CNTNAP4: variants seen among roughly 807,000 people sequenced by gnomAD.
CNTNAP4 encodes contactin associated protein family member 4.
Under a neutral mutation model 148.4 loss-of-function variants are expected in CNTNAP4, and 98 were observed. The ratio of observed to expected loss-of-function variants is 0.66; its 90% CI spans 0.56 to 0.78. CNTNAP4 has a LOEUF of 0.78. Among genes scored for constraint, CNTNAP4 ranks in the 30% least tolerant of loss-of-function variants. CNTNAP4 has a pLI of 0.00. For synonymous variants in CNTNAP4, 730 were observed against 565.1 expected, an observed-to-expected ratio of 1.29 and a Z score of -4.14; for missense variants, 1,935 against 1,565.6, an observed-to-expected ratio of 1.24 and a Z score of -3.98.
chr16:76,353,871 TGC>T (rs1453961253), intron 2 of CNTNAP4, among the ~76,000 whole-genome samples: 2 of 152,208 alleles, frequency 1.3e-5, no homozygotes, highest in Non-Finnish European at 2.9e-5. Flanking sequence ...CACTGGTGTG[TGC>T]CTTCAGGTCC....
At chr16:76,278,289 T>C (rs1328945373) in intron 1 of CNTNAP4, among the ~76,000 whole-genome samples, 1 of 152,180 alleles carries the variant, frequency 6.6e-6, no homozygotes, top group African/African-American at 2.4e-5. Context: ...AGTCTCAGTA[T>C]TAAGAGCTGT....
chr16:76,292,339 A>G (rs1959148470), intron 1 of CNTNAP4, among the ~76,000 whole-genome samples: 1 of 152,178 alleles, frequency 6.6e-6, no homozygotes, highest in South Asian at 2.1e-4. Flanking sequence ...TTGTTCAACC[A>G]TGAACCTGTG....
intron 3 of CNTNAP4, among the ~76,000 whole-genome samples, chr16:76,388,317 A>G (rs1172629457): frequency 6.6e-6 from 1 of 152,230 alleles, no homozygotes; most frequent in Admixed American, 6.5e-5. Context: ...AAACATTGGT[A>G]CCATAATCAA....
chr16:76,412,254 A>G (rs1463509614), intron 3 of CNTNAP4, among the ~76,000 whole-genome samples: 1 of 151,452 alleles, frequency 6.6e-6, no homozygotes, highest in African/African-American at 2.4e-5. Context: ...CTATAATTGG[A>G]CATATGAATT....
intron 1 of CNTNAP4, among the ~76,000 whole-genome samples, chr16:76,288,066 C>G (rs1958958976): frequency 6.6e-6 from 1 of 152,032 alleles, no homozygotes; most frequent in Non-Finnish European, 1.5e-5. Context: ...TCCCACGTGT[C>G]AAGGACAGGA....
intron 14 of CNTNAP4, among the ~76,000 whole-genome samples, chr16:76,496,621 G>C (rs560823717): frequency 4.9e-4 from 75 of 152,022 alleles, no homozygotes; most frequent in Admixed American, 2.4e-3. Context: ...ATTCACACAG[G>C]CTCCACCTAA....
At chr16:76,324,891 C>G (rs551553943) in intron 2 of CNTNAP4, among the ~76,000 whole-genome samples, 2 of 152,322 alleles carry the variant, frequency 1.3e-5, no homozygotes, top group East Asian at 1.9e-4. Flanking sequence ...CAAAGGCCCC[C>G]TCTCCAAATG....
At chr16:76,383,320 T>C (rs887851886) in intron 3 of CNTNAP4, among the ~76,000 whole-genome samples, 1 of 150,794 alleles carries the variant, frequency 6.6e-6, no homozygotes, top group Non-Finnish European at 1.5e-5. Context: ...AGGAGGTACC[T>C]GGAAGTAGAC....
At chr16:76,433,676 C>T (rs2079699881) in intron 4 of CNTNAP4, among the ~76,000 whole-genome samples, 1 of 152,014 alleles carries the variant, frequency 6.6e-6, no homozygotes. Context: ...TCTCATACCA[C>T]CTGTCTGGTT....
chr16:76,458,666 G>A (rs1478336207), intron 8 of CNTNAP4, among the ~76,000 whole-genome samples: 2 of 152,150 alleles, frequency 1.3e-5, no homozygotes, highest in Non-Finnish European at 2.9e-5. Flanking sequence ...AGGTGGTAAT[G>A]CAAGTGATAG....
intron 1 of CNTNAP4, among the ~76,000 whole-genome samples, chr16:76,304,702 C>G (rs1266651504): frequency 6.6e-6 from 1 of 152,150 alleles, no homozygotes; most frequent in Non-Finnish European, 1.5e-5. Flanking sequence ...TGTGTCGCCA[C>G]ATCCGCCTTC....
At chr16:76,413,626 C>A (rs1473680614) in intron 3 of CNTNAP4, among the ~76,000 whole-genome samples, 1 of 150,418 alleles carries the variant, frequency 6.6e-6, no homozygotes, top group African/African-American at 2.4e-5. Context: ...CATTTTGTTA[C>A]ATTTCCACAT....
chr16:76,532,605 G>A (rs539820298), intron 17 of CNTNAP4, among the ~76,000 whole-genome samples: 1 of 152,318 alleles, frequency 6.6e-6, no homozygotes, highest in South Asian at 2.1e-4. Flanking sequence ...TGTATACCAT[G>A]ATTTAATGTG....
chr16:76,334,457 A>T (rs1037723722), intron 2 of CNTNAP4, among the ~76,000 whole-genome samples: 4 of 152,166 alleles, frequency 2.6e-5, no homozygotes, highest in Admixed American at 6.5e-5. Context: ...CTTAATCCCC[A>T]AACTGTGTCT....
chr16:76,465,710 A>G (rs2081152396), intron 9 of CNTNAP4, among the ~76,000 whole-genome samples: 2 of 152,232 alleles, frequency 1.3e-5, no homozygotes, highest in Non-Finnish European at 2.9e-5. Flanking sequence ...ACCATATCTT[A>G]CACTACAGAA....
chr16:76,343,279 G>C (rs1178870679), intron 2 of CNTNAP4, among the ~76,000 whole-genome samples: 1 of 152,082 alleles, frequency 6.6e-6, no homozygotes, highest in East Asian at 1.9e-4. Context: ...GTGAAAATGA[G>C]GTTGCATTGT....
intron 3 of CNTNAP4, among the ~76,000 whole-genome samples, chr16:76,400,073 T>G (rs906998789): frequency 6.6e-6 from 1 of 152,164 alleles, no homozygotes; most frequent in Non-Finnish European, 1.5e-5. Context: ...AATAATACCT[T>G]ATATTTGTAC....
chr16:76,534,216 G>T (rs1427381545), intron 17 of CNTNAP4, among the ~76,000 whole-genome samples: 1 of 152,138 alleles, frequency 6.6e-6, no homozygotes, highest in Non-Finnish European at 1.5e-5. Context: ...TGAATGGATG[G>T]ATTTCATAGT....
chr16:76,521,197 C>T lies in CNTNAP4; in HGVS notation c.2423C>T (p.Thr808Ile), dbSNP rs766035634. Residue 808 changes from threonine (T) to isoleucine (I), a missense_variant, in exon 16 of 24, where the codon ACC (threonine) becomes ATC (isoleucine). Physicochemically the swap from Thr to Ile is moderately conservative, Grantham distance 89. Transcript: ENST00000611870. ...GAGGCTTCATATCTTCATTTTCCTA[C>T]CTTCCACGGAGAACTTAGCGCGGAT... Reference protein sequence around the residue: ...DTEASYLHFPTFHGELSADVS... With the variant: ...DTEASYLHFPIFHGELSADVS... 22 of 1,611,206 alleles carry T rather than the reference C, an allele frequency of 1.4e-5. No individual in the cohort carries two copies. In the Admixed American group the frequency reaches 3.7e-4, roughly 27 times the overall value.
Sources: gnomAD v4.1 joint callset for allele counts (sites outside exome capture counted in the v4.1 genomes callset) on GRCh38, gnomAD v4.1.1 for gene constraint, MANE v1.5 for transcripts, NCBI Gene and HGNC (gene_info 2026-07-23, HGNC 2026-07-21) for gene names.